The following PEX5 variants were observed in gnomAD, a reference collection of about 807,000 sequenced individuals.
PEX5 encodes the protein PTS1 receptor.
PEX5 carries 52 observed loss-of-function variants against 82.9 expected under a neutral mutation model. The ratio of observed to expected loss-of-function variants is 0.63; its 90% CI spans 0.50 to 0.79. The LOEUF is 0.79. Among genes scored for constraint, PEX5 ranks in the 30% least tolerant of loss-of-function variants. The pLI is 0.00. For missense variants in PEX5, 719 were observed against 815.2 expected (o/e 0.88, Z 1.44); for synonymous variants, 300 against 318.8 (o/e 0.94, Z 0.63).
Position 7,210,825 on chromosome 12 carries a change from C to G in PEX5, c.*602C>G, listed in dbSNP as rs926554648. On this transcript the variant is annotated 3_prime_UTR_variant, in exon 16 of 16. Transcript: ENST00000675855. ...ATTCCCTGTGAGCACGATGCTGATG[C>G]AATAGTCCTGTGTCATCACTGCAGC... 1.9e-4 allele frequency: 38 copies of G among 195,962 alleles called. No homozygotes were observed. The Admixed American group carries it at 2.0e-3, about 10-fold the overall frequency. 12.1% of individuals were successfully genotyped at this position (195,962 alleles called of 1,614,324 possible). A position where few individuals can be genotyped will look rare whatever the true frequency, so the allele number is the denominator to read the frequency against.
At position 7,210,244 on chromosome 12, in the gene PEX5, T is replaced by C; in HGVS notation, c.*21T>C. The C allele has an allele frequency of 6.2e-7, 1 of 1,609,584 alleles. No individual in the cohort carries two copies. Among genetic ancestry groups the C allele is most frequent in the Non-Finnish European group, 8.5e-7 (1 of 1,176,358 alleles). On this transcript the variant is annotated 3_prime_UTR_variant, in exon 16 of 16. Coordinates refer to ENST00000675855, the MANE Select transcript of PEX5 (RefSeq NM_001351132.2). Reference sequence around the variant, plus strand: ...AGTGACAGTGGGACGGGCTGCCCTGTGAGTGTCCACCTGGAGGGATCCCCG... The same window carrying C: ...AGTGACAGTGGGACGGGCTGCCCTGCGAGTGTCCACCTGGAGGGATCCCCG...
intron 6 of PEX5, among the ~76,000 whole-genome samples, chr12:7,199,819 TGGCCGGGCGGGG>T (rs1943435538): frequency 3.7e-5 from 5 of 136,118 alleles, no homozygotes; most frequent in South Asian, 2.5e-4. Flanking sequence ...ACGGGGCGGC[TGGCCGGGCGGGG>T]GGCTGACCCC....
chr12:7,208,952 T>A, intron 13 of PEX5, 53 bp from the exon 14 acceptor site: 2 of 1,473,902 alleles, frequency 1.4e-6, no homozygotes, highest in Non-Finnish European at 1.9e-6. Context: ...TTTGGGGGGA[T>A]GGGAATAGAG....
chr12:7,197,284 A>G (rs1224033286), intron 5 of PEX5, among the ~76,000 whole-genome samples: 4 of 138,568 alleles, frequency 2.9e-5, no homozygotes, highest in African/African-American at 1.1e-4. Flanking sequence ...TATATAATGT[A>G]ATAATTATAT....
intron 12 of PEX5, 42 bp downstream of exon 12, chr12:7,208,122 C>A (rs768759057): frequency 2.3e-5 from 32 of 1,402,326 alleles, no homozygotes; most frequent in Non-Finnish European, 3.1e-5. Context: ...TTCCAAGGCT[C>A]TGCATATAAC....
At chr12:7,203,893 G>C (rs746024105) in intron 10 of PEX5, among the ~76,000 whole-genome samples, 45 of 152,296 alleles carry the variant, frequency 3.0e-4, no homozygotes, top group Non-Finnish European at 3.1e-4. Context: ...GACTCCTTTG[G>C]TGGGGAGTGT....
At chr12:7,217,906 A>G (rs7969508) in intron 17 of PEX5, among the ~76,000 whole-genome samples, 44,934 of 152,094 alleles carry the variant, frequency 0.3, 7,026 homozygotes, top group South Asian at 0.37. Flanking sequence ...GTCCCTTCAC[A>G]GTCAGTCCCT....
rs36179639 is a variant in PEX5, at chr12:7,196,145, CAT to C, written c.449-2863_449-2862del. On this transcript the variant is annotated intron_variant, in intron 5 of 15. Transcript: ENST00000675855. ...GTTATATATAATGTATTTCTTATTA[CAT>C]ATGTTACATATAATGTATTTATTAC... Among the ~76,000 whole-genome samples, 1,303 of 141,988 alleles carry C rather than the reference CAT, an allele frequency of 9.2e-3. 17 individuals carry two copies. The highest frequency in any genetic ancestry group is 0.03 in the African/African-American group (1,173 of 38,972). 93.1% of individuals were successfully genotyped at this position (141,988 alleles called of 152,430 possible). A position where few individuals can be genotyped will look rare whatever the true frequency, so the allele number is the denominator to read the frequency against.
intron 5 of PEX5, among the ~76,000 whole-genome samples, chr12:7,196,245 CATATTTAATTATATAT>C (rs1942149397): frequency 1.4e-4 from 4 of 28,092 alleles, no homozygotes; most frequent in African/African-American, 3.1e-4. Flanking sequence ...AATTATATGT[CATATTTAATTATATAT>C]GTCATAATTT....
At chr12:7,209,552 C>A in intron 14 of PEX5, 131 bp from the exon 15 acceptor site, 1 of 231,322 alleles carries the variant, frequency 4.3e-6, no homozygotes, top group Non-Finnish European at 6.9e-6. Context: ...TGGAATGGGA[C>A]GAAACATGTT....
At position 7,210,109 on chromosome 12, in the gene PEX5, C is replaced by A; in HGVS notation, c.1806C>A (p.Asn602Lys). ...PRGEGGAMSENIWSTLRLALS... is the reference protein window; with the variant it reads ...PRGEGGAMSEKIWSTLRLALS... ...GTGAAGGAGGTGCCATGTCGGAGAA[C>A]ATCTGGAGCACCCTGCGTTTGGCAT... The change falls in exon 16 of 16, where the codon AAC (asparagine) becomes AAA (lysine). Residue 602 changes from asparagine (N) to lysine (K), a missense_variant. By Grantham distance (94) the Asn-to-Lys change is moderately conservative. Coordinates refer to ENST00000675855, the MANE Select transcript of PEX5 (RefSeq NM_001351132.2). 1 of 1,614,212 alleles carries A rather than the reference C, an allele frequency of 6.2e-7. No individual in the cohort carries two copies. The highest frequency in any genetic ancestry group is 8.5e-7 in the Non-Finnish European group (1 of 1,180,024).
rs377214049 is a variant in PEX5 at position 7,197,440 on chromosome 12, TTA to T, written c.449-1569_449-1568del. On this transcript the variant is annotated intron_variant, in intron 5 of 15. Coordinates refer to ENST00000675855, the MANE Select transcript of PEX5 (RefSeq NM_001351132.2). ...TAATTATATGTCATATACAATGTAA[TTA>T]TGTTATATATAATGTAATAATTATA... is the stretch of plus-strand genomic sequence containing the variant. 5.3e-4 allele frequency among the ~76,000 whole-genome samples: 47 copies of T among 89,120 alleles called. 3 individuals carry two copies. Among genetic ancestry groups the T allele is most frequent in the African/African-American group, 1.2e-3 (33 of 26,682 alleles). The allele number at this position is 89,120 out of a possible 152,430, so 58.5% of individuals were successfully genotyped here.
rs11339507 is a variant in PEX5 at position 7,193,234 on chromosome 12, C to CTTTTTTTTTTT, written c.448+1543_448+1553dup. Among the ~76,000 whole-genome samples the CTTTTTTTTTTT allele has an allele frequency of 1.5e-3, 176 of 121,090 alleles. 2 individuals are homozygous for CTTTTTTTTTTT. The highest frequency in any genetic ancestry group is 4.7e-3 in the African/African-American group (158 of 33,978). 79.4% of individuals were successfully genotyped at this position (121,090 alleles called of 152,430 possible). ...TCATGTCTGTGTGGCTCTTGAGATT[C>CTTTTTTTTTTT]TTTTTTTTTTTTTTTTTTTGAGACA... On this transcript the variant is annotated intron_variant, in intron 5 of 15. Transcript: ENST00000675855.
chr12:7,197,904 G>A (rs372574949), intron 5 of PEX5, among the ~76,000 whole-genome samples: 30 of 152,296 alleles, frequency 2.0e-4, no homozygotes, highest in African/African-American at 7.2e-4. Context: ...CATGGGCCAG[G>A]AGTGGGGAAT....
In PEX5 at chr12:7,197,122, A is replaced by AATATATGTCATATATAATGTAATAATT. The variant is rs1565686282; in HGVS notation, c.449-1865_449-1839dup. On this transcript the variant is annotated intron_variant, in intron 5 of 15. Transcript: ENST00000675855. ...AATTATATATGTCATATAATGTAAT[A>AATATATGTCATATATAATGTAATAATT]ATATATGTCATATATAATGTAATAA... 3.5e-3 allele frequency among the ~76,000 whole-genome samples: 24 copies of AATATATGTCATATATAATGTAATAATT among 6,766 alleles called. 9 individuals carry two copies. The highest frequency in any genetic ancestry group is 0.013 in the Non-Finnish European group (17 of 1,278). 4.4% of individuals were successfully genotyped at this position (6,766 alleles called of 152,430 possible).
At chr12:7,190,613 C>T (rs1384677252) in intron 2 of PEX5, 89 bp downstream of exon 2, 9 of 1,023,788 alleles carry the variant, frequency 8.8e-6, no homozygotes, top group Non-Finnish European at 1.1e-5. Flanking sequence ...GCCTCTGAGG[C>T]AGTGAGTGTT....
At chr12:7,193,015 A>G (rs751545072) in intron 5 of PEX5, among the ~76,000 whole-genome samples, 1 of 152,358 alleles carries the variant, frequency 6.6e-6, no homozygotes, top group South Asian at 2.1e-4. Flanking sequence ...CATAAGTTGG[A>G]GTTAAGGTAG....
chr12:7,202,551 G>A (rs1385830247), intron 8 of PEX5, 61 bp from the exon 9 acceptor site: 1 of 1,478,204 alleles, frequency 6.8e-7, no homozygotes, highest in Non-Finnish European at 9.5e-7. Context: ...TGGGTATTTA[G>A]TGTGCGTCTG....
rs768570130 is a variant in PEX5, at chr12:7,209,839, C to T, written c.1717C>T (p.Arg573Trp). The change falls in exon 15 of 16, where the codon CGG (arginine) becomes TGG (tryptophan). Residue 573 changes from arginine to tryptophan, a missense_variant and splice_region_variant. Coordinates refer to ENST00000675855, the MANE Select transcript of PEX5 (RefSeq NM_001351132.2). Reference sequence around the variant, plus strand: ...CAGCTGCATCAACCTCGGGGCTCACCGGTGAGAGTATCTATTGAGAAATGA... The same window carrying T: ...CAGCTGCATCAACCTCGGGGCTCACTGGTGAGAGTATCTATTGAGAAATGA... ...GISCINLGAH[R>W]EAVEHFLEAL... is the part of the protein sequence containing the mutation. 2.5e-6 allele frequency: 4 copies of T among 1,614,208 alleles called. No homozygotes were observed. Among genetic ancestry groups the T allele is most frequent in the South Asian group, 1.1e-5 (1 of 91,082 alleles).
Sources: gnomAD v4.1 joint callset for allele counts (sites outside exome capture counted in the v4.1 genomes callset) on GRCh38, gnomAD v4.1.1 for gene constraint, MANE v1.5 for transcripts, NCBI Gene and HGNC (gene_info 2026-07-23, HGNC 2026-07-21) for gene names.